STXBP6: variants seen among roughly 807,000 people sequenced by gnomAD.
The protein encoded by STXBP6 is syntaxin-binding protein 6.
STXBP6 carries 21 observed loss-of-function variants against 26.9 expected under a neutral mutation model. That is an observed-to-expected ratio of 0.78 (90% CI 0.55 to 1.12). STXBP6 has a LOEUF of 1.12. Ranked by LOEUF, STXBP6 falls within the 50% of genes most tolerant of loss-of-function variation. The probability of loss-of-function intolerance (pLI) is 0.00; values close to 1 mark genes in which losing one functional copy is unlikely to be tolerated. For missense variants in STXBP6, 232 were observed against 257.9 expected, an observed-to-expected ratio of 0.90 and a Z score of 0.69; for synonymous variants, 97 against 92.6, an observed-to-expected ratio of 1.05 and a Z score of -0.27.
At chr14:24,944,921 T>C (rs750403624) in intron 2 of STXBP6, among the ~76,000 whole-genome samples, 2 of 152,052 alleles carry the variant, frequency 1.3e-5, no homozygotes, top group Non-Finnish European at 2.9e-5. Context: ...TAGCAAACAA[T>C]AAGATCTCAG....
intron 2 of STXBP6, among the ~76,000 whole-genome samples, chr14:24,944,555 T>C (rs1324263867): frequency 2.6e-5 from 4 of 152,120 alleles, no homozygotes; most frequent in African/African-American, 7.2e-5. Flanking sequence ...CATGTTCAGA[T>C]CAAAACTGGA....
chr14:25,027,628 C>T (rs1347550261), intron 1 of STXBP6, among the ~76,000 whole-genome samples: 1 of 152,160 alleles, frequency 6.6e-6, no homozygotes, highest in African/African-American at 2.4e-5. Context: ...CTACAATTGA[C>T]TCTAAGTGTT....
intron 1 of STXBP6, among the ~76,000 whole-genome samples, chr14:25,024,124 A>C (rs1436068450): frequency 2.0e-5 from 3 of 151,976 alleles, no homozygotes; most frequent in Non-Finnish European, 4.4e-5. Flanking sequence ...CCTGGCTAAC[A>C]CGGTGAAACC....
chr14:24,824,217 T>C (rs139424728), intron 4 of STXBP6, among the ~76,000 whole-genome samples: 2,539 of 152,276 alleles, frequency 0.017, 28 homozygotes, highest in Non-Finnish European at 0.024. Flanking sequence ...GAGATCTGGC[T>C]CCCTGACAGC....
At chr14:24,951,022 C>T (rs561781585) in intron 2 of STXBP6, among the ~76,000 whole-genome samples, 1 of 152,182 alleles carries the variant, frequency 6.6e-6, no homozygotes, top group African/African-American at 2.4e-5. Flanking sequence ...AGCTTGCTAA[C>T]AATGATGGTT....
intron 2 of STXBP6, among the ~76,000 whole-genome samples, chr14:24,873,558 G>A (rs979215626): frequency 6.6e-6 from 1 of 152,150 alleles, no homozygotes; most frequent in South Asian, 2.1e-4. Flanking sequence ...GATTGGTTTG[G>A]GATTCTAATG....
At position 25,013,536 on chromosome 14, in the gene STXBP6, A is replaced by G. The variant is rs191142731; in HGVS notation, c.-33+36342T>C. 3.2e-3 allele frequency among the ~76,000 whole-genome samples: 491 copies of G among 152,152 alleles called. 2 individuals carry two copies. Among genetic ancestry groups the G allele is most frequent in the African/African-American group, 0.01 (435 of 41,510 alleles). ...GGTAAGTGTCTTCTCATGGGAATAC[A>G]TAACACTGCTCATATAGTACTTTTG... On this transcript the variant is annotated intron_variant, in intron 1 of 5. Coordinates refer to ENST00000323944, the MANE Select transcript of STXBP6 (RefSeq NM_001394410.1).
chr14:24,851,481 T>TG (rs746895453), intron 4 of STXBP6, among the ~76,000 whole-genome samples: 2 of 145,096 alleles, frequency 1.4e-5, no homozygotes, highest in African/African-American at 2.5e-5. Context: ...AGTGAGAACA[T>TG]GCGGTGTTTG....
Position 24,812,684 on chromosome 14 carries a change from AAG to A in STXBP6, c.*23_*24del. ...AACAAACTCTTCAGTTTCTCTTAAGAAGAGTCACCAGGATAGGCAGTTTCTCA... is the reference window on the plus strand; with the variant it reads ...AACAAACTCTTCAGTTTCTCTTAAGAAGTCACCAGGATAGGCAGTTTCTCA... On this transcript the variant is annotated 3_prime_UTR_variant, in exon 6 of 6. Transcript: ENST00000323944. The A allele has an allele frequency of 6.2e-7, 1 of 1,612,646 alleles. No individual in the cohort carries two copies. Among genetic ancestry groups the A allele is most frequent in the Non-Finnish European group, 8.5e-7 (1 of 1,178,752 alleles).
intron 4 of STXBP6, among the ~76,000 whole-genome samples, chr14:24,843,818 C>A (rs1385195564): frequency 6.6e-6 from 1 of 152,162 alleles, no homozygotes; most frequent in African/African-American, 2.4e-5. Context: ...TTGGTCTCTG[C>A]CCTCAGTTCC....
At chr14:24,831,337 AT>A (rs1290193999) in intron 4 of STXBP6, among the ~76,000 whole-genome samples, 4 of 152,198 alleles carry the variant, frequency 2.6e-5, no homozygotes, top group African/African-American at 9.6e-5. Context: ...TAGACAGTTA[AT>A]TTTACAAATT....
At chr14:25,033,380 G>A (rs868548928) in intron 1 of STXBP6, among the ~76,000 whole-genome samples, 2 of 152,144 alleles carry the variant, frequency 1.3e-5, no homozygotes, top group African/African-American at 4.8e-5. Context: ...CTGGTCCACC[G>A]TATCTTCTCT....
intron 2 of STXBP6, among the ~76,000 whole-genome samples, chr14:24,958,489 T>C (rs556551623): frequency 6.6e-6 from 1 of 152,238 alleles, no homozygotes; most frequent in South Asian, 2.1e-4. Flanking sequence ...CAAGATAAAA[T>C]TAGATTTTGG....
rs961683610 is a variant in STXBP6, at chr14:24,962,285, T to C, written c.154+12380A>G. Among the ~76,000 whole-genome samples the C allele has an allele frequency of 6.3e-5, 9 of 142,920 alleles. No homozygotes were observed. In the East Asian group the frequency reaches 1.8e-3, roughly 29 times the overall value. 93.8% of individuals were successfully genotyped at this position (142,920 alleles called of 152,430 possible). A position where few individuals can be genotyped will look rare whatever the true frequency, so the allele number is the denominator to read the frequency against. On this transcript the variant is annotated intron_variant, in intron 2 of 5. Transcript: ENST00000323944. ...GTTGTTAAGCGCACAAAGTACAAGA[T>C]ATTTTATTTATTTATTTATTTATTT... is the stretch of plus-strand genomic sequence containing the variant.
chr14:24,959,870 T>A (rs17185453), intron 2 of STXBP6, among the ~76,000 whole-genome samples: 7,454 of 152,260 alleles, frequency 0.049, 307 homozygotes, highest in East Asian at 0.22. Context: ...TTTTAAACAG[T>A]ACAAAAGGCC....
intron 2 of STXBP6, among the ~76,000 whole-genome samples, chr14:24,886,065 C>T (rs2091339187): frequency 6.6e-6 from 1 of 152,196 alleles, no homozygotes; most frequent in Admixed American, 6.5e-5. Flanking sequence ...GGTTAATCCC[C>T]CTCTTCTTCA....
chr14:24,914,639 G>A (rs1050222776), intron 2 of STXBP6, among the ~76,000 whole-genome samples: 1 of 152,116 alleles, frequency 6.6e-6, no homozygotes, highest in Middle Eastern at 3.2e-3. Context: ...ACACAACTCT[G>A]CTGGCTCCCT....
At chr14:24,863,266 T>A (rs1158419590) in intron 2 of STXBP6, among the ~76,000 whole-genome samples, 1 of 152,154 alleles carries the variant, frequency 6.6e-6, no homozygotes, top group Non-Finnish European at 1.5e-5. Context: ...GGTAGGCATG[T>A]ATAAATCCAT....
intron 2 of STXBP6, among the ~76,000 whole-genome samples, chr14:24,899,800 G>GAAA (rs2071140818): frequency 6.9e-5 from 1 of 14,498 alleles, no homozygotes; most frequent in Non-Finnish European, 1.3e-4. Flanking sequence ...AAAAAAAAAA[G>GAAA]CAAAAAAAAA....
Sources: allele counts gnomAD v4.1 joint callset (sites outside exome capture counted in the v4.1 genomes callset), GRCh38; gene constraint gnomAD v4.1.1; transcripts MANE v1.5; gene names NCBI Gene and HGNC (gene_info 2026-07-23, HGNC 2026-07-21).